The following ANO8 variants were observed in gnomAD, a reference collection of about 807,000 sequenced individuals.
The protein encoded by ANO8 is anoctamin 8, also known as anoctamin-8.
Under a neutral mutation model 120.4 loss-of-function variants are expected in ANO8, and 67 were observed. That is an observed-to-expected ratio of 0.56 (90% CI 0.46 to 0.68). The LOEUF is 0.68. Among genes scored for constraint, ANO8 ranks in the 30% least tolerant of loss-of-function variants. The pLI is 0.00. For synonymous variants in ANO8, 727 were observed against 759.2 expected (o/e 0.96, Z 0.70); for missense variants, 1,526 against 1,737.6 (o/e 0.88, Z 2.16).
rs1405581608 is a variant in ANO8, at chr19:17,333,302, G to A, written c.351-63C>T. The stretch of plus-strand genomic sequence containing the variant: ...CCCCGGCCCACCATCCTGGAGCTGA[G>A]GATGGTGCACCTGGCAGCCTTTGGG... On this transcript the variant is annotated intron_variant, in intron 3 of 17. Transcript: ENST00000159087. The surrounding 1 kb of genome is among the most constrained non-coding windows in gnomAD (Gnocchi z 7.2). 152 of 1,601,768 alleles carry A rather than the reference G, an allele frequency of 9.5e-5. No homozygotes were observed. The highest frequency in any genetic ancestry group is 1.3e-4 in the Non-Finnish European group (151 of 1,172,204).
chr19:17,327,178 A>C, intron 16 of ANO8, 57 bp downstream of exon 16: 1 of 1,404,694 alleles, frequency 7.1e-7, no homozygotes, highest in Non-Finnish European at 9.7e-7. Flanking sequence ...CACCAAGATC[A>C]GAGATCCACC....
Position 17,327,722 on chromosome 19 carries a change from G to A in ANO8, c.2385C>T (p.Phe795=), listed in dbSNP as rs1371327972. 1.9e-6 allele frequency: 3 copies of A among 1,613,804 alleles called. No homozygotes were observed. The highest frequency in any genetic ancestry group is 2.5e-6 in the Non-Finnish European group (3 of 1,179,882). The change falls in exon 14 of 18, where the codon TTC becomes TTT. Residue 795 remains phenylalanine, a synonymous_variant. Coordinates refer to ENST00000159087, the MANE Select transcript of ANO8 (RefSeq NM_020959.3). ...GGCCGATGCTTTCCACGCGCTGGCCGAAGGGCCGCTGCAGCCCGGTGCACA... is the reference window on the plus strand; with the variant it reads ...GGCCGATGCTTTCCACGCGCTGGCCAAAGGGCCGCTGCAGCCCGGTGCACA... ...FKLCTGLQRP[F]GQRVESIGQW...
rs2074341291 is a variant in ANO8, at chr19:17,333,996, C to T, written c.107-196G>A. Among the ~76,000 whole-genome samples the T allele has an allele frequency of 6.6e-6, 1 of 152,256 alleles. No individual in the cohort carries two copies. The highest frequency in any genetic ancestry group is 3.4e-3 in the Middle Eastern group (1 of 294). On this transcript the variant is annotated intron_variant, in intron 1 of 17. Coordinates refer to ENST00000159087, the MANE Select transcript of ANO8 (RefSeq NM_020959.3). The surrounding 1 kb of genome is among the most constrained non-coding windows in gnomAD (Gnocchi z 7.2). Reference sequence around the variant, plus strand: ...CAGGCCTTCCTCCAGAAATGCCCTTCCCCCCAGATCCTCCCTTACAAATCT... The same window carrying T: ...CAGGCCTTCCTCCAGAAATGCCCTTTCCCCCAGATCCTCCCTTACAAATCT...
chr19:17,328,224 C>G lies in ANO8; in HGVS notation c.2164G>C (p.Glu722Gln), dbSNP rs139815862. The change falls in exon 13 of 18, where the codon GAG (glutamate) becomes CAG (glutamine). Residue 722 changes from glutamate to glutamine, a missense_variant. Around this residue, in one of 8 missense-constraint regions of ANO8, gnomAD observed 467 missense variants for 425.8 expected, o/e 1.10. Transcript: ENST00000159087. ...QNRSSWIDPP[E>Q]EEHSPQLTQA... ...GTGAGCTGGGGCGAGTGTTCCTCCT[C>G]CGGCGGGTCAATCCAAGACGACCGG... 8.1e-6 allele frequency: 13 copies of G among 1,598,740 alleles called. No homozygotes were observed. The South Asian group carries it at 1.4e-4, about 18-fold the overall frequency.
At position 17,327,327 on chromosome 19, in the gene ANO8, T is replaced by C. The variant is rs995988694; in HGVS notation, c.2569A>G (p.Lys857Glu). Residue 857 changes from lysine to glutamate, a missense_variant, in exon 16 of 18, where the codon AAG becomes GAG. Around this residue, in one of 8 missense-constraint regions of ANO8, gnomAD observed 489 missense variants for 548.6 expected, o/e 0.89. Transcript: ENST00000159087. ...GGGATGGCCACGTGGATGAGGTACTTGAGGAGCAGAGCGAAGTGCTGCAGG... is the reference window on the plus strand; with the variant it reads ...GGGATGGCCACGTGGATGAGGTACTCGAGGAGCAGAGCGAAGTGCTGCAGG... Reference protein sequence around the residue: ...VVLEHFALLLKYLIHVAIPDI... With the variant: ...VVLEHFALLLEYLIHVAIPDI... 6.5e-7 allele frequency: 1 copy of C among 1,550,276 alleles called. No individual in the cohort carries two copies. The highest frequency in any genetic ancestry group is 1.4e-5 in the African/African-American group (1 of 72,976).
At chr19:17,323,915 GA>G in intron 17 of ANO8, 31 bp from the exon 18 acceptor site, 1 of 1,112,084 alleles carries the variant, frequency 9.0e-7, no homozygotes, top group Non-Finnish European at 1.1e-6. Context: ...GTTCCGGGGG[GA>G]TGCCGCCCCC....
rs2145692314 is a variant in ANO8, at chr19:17,333,314, T to C, written c.351-75A>G. 2.5e-6 allele frequency: 4 copies of C among 1,601,696 alleles called. No homozygotes were observed. The South Asian group carries it at 3.3e-5, about 13-fold the overall frequency. On this transcript the variant is annotated intron_variant, in intron 3 of 17. Coordinates refer to ENST00000159087, the MANE Select transcript of ANO8 (RefSeq NM_020959.3). This position sits in a 1 kb window ranked among gnomAD's most constrained non-coding sequence, Gnocchi z 7.2. ...ATCCTGGAGCTGAGGATGGTGCACC[T>C]GGCAGCCTTTGGGACAAACGCAGGG...
In ANO8 at chr19:17,333,825, G is replaced by A. The variant is rs375450234; in HGVS notation, c.107-25C>T. ...TCTAGGGGGCGGCGTAGCAGGCCCG[G>A]GTCAGGCCACTCTGGGATCCGGACC... On this transcript the variant is annotated intron_variant, in intron 1 of 17. Coordinates refer to ENST00000159087, the MANE Select transcript of ANO8 (RefSeq NM_020959.3). The surrounding 1 kb of genome is among the most constrained non-coding windows in gnomAD (Gnocchi z 7.2). 2.7e-4 allele frequency: 415 copies of A among 1,550,432 alleles called. No homozygotes were observed. Among genetic ancestry groups the A allele is most frequent in the Non-Finnish European group, 3.5e-4 (397 of 1,144,704 alleles).
intron 12 of ANO8, chr19:17,329,300 C>G (rs1380627351): frequency 2.7e-6 from 1 of 374,386 alleles, no homozygotes; most frequent in Non-Finnish European, 4.8e-6. Context: ...TGGCCGCCCC[C>G]GACCCCAGAT....
rs1811698389 is a variant in ANO8, at chr19:17,333,053, G to T, written c.490-27C>A. 6.2e-7 allele frequency: 1 copy of T among 1,613,938 alleles called. No individual in the cohort carries two copies. Among genetic ancestry groups the T allele is most frequent in the African/African-American group, 1.3e-5 (1 of 74,952 alleles). ...TGCGAGGAAGAGGGCGTGAGCTCAG[G>T]GAACTCATAGGCACAGGATGCATGC... On this transcript the variant is annotated intron_variant, in intron 4 of 17. Coordinates refer to ENST00000159087, the MANE Select transcript of ANO8 (RefSeq NM_020959.3). This position sits in a 1 kb window ranked among gnomAD's most constrained non-coding sequence, Gnocchi z 7.2.
Position 17,328,361 on chromosome 19 carries a change from G to T in ANO8, c.2027C>A (p.Ala676Asp). 1 of 1,575,740 alleles carries T rather than the reference G, an allele frequency of 6.3e-7. No homozygotes were observed. ...GCCCCCGGCCCGGCGGAACAAGATG[G>T]CCGGGGGCTCCCGTTCAGGGCTGCC... ...APGSPEREPP[A>D]ILFRRAGGEG... is the part of the protein sequence containing the mutation. Residue 676 changes from alanine to aspartate, a missense_variant, in exon 13 of 18, where the codon GCC becomes GAC. Physicochemically the swap from Ala to Asp is moderately radical, Grantham distance 126 (BLOSUM62 -2). Coordinates refer to ENST00000159087, the MANE Select transcript of ANO8 (RefSeq NM_020959.3).
At position 17,334,552 on chromosome 19, in the gene ANO8, G is replaced by T; in HGVS notation, c.106+13C>A. On this transcript the variant is annotated intron_variant, in intron 1 of 17. Coordinates refer to ENST00000159087, the MANE Select transcript of ANO8 (RefSeq NM_020959.3). ...ACCTGCAACCCTGTCTGGTCCAGCC[G>T]CCGCACACATACCCAGAACTCCGGA... is the stretch of plus-strand genomic sequence containing the variant. The T allele has an allele frequency of 1.3e-6, 2 of 1,543,762 alleles. No homozygotes were observed. The highest frequency in any genetic ancestry group is 5.1e-5 in the East Asian group (2 of 39,590).
At chr19:17,331,553 G>T (rs1018735618) in intron 5 of ANO8, 142 bp from the exon 6 acceptor site, 1 of 694,162 alleles carries the variant, frequency 1.4e-6, no homozygotes, top group Non-Finnish European at 2.5e-6. Flanking sequence ...AGTTCTAGAC[G>T]GATAGAAGAT....
In ANO8 at chr19:17,331,361, C is replaced by A; in HGVS notation, c.637G>T (p.Glu213Ter). Residue 213 changes from glutamate (E) to a stop codon, truncating the protein, a stop_gained, in exon 6 of 18, where the codon GAG (glutamate) becomes TAG (stop). Transcript: ENST00000159087. LOFTEE classifies it high-confidence loss of function. ...GIIQQVFPVH[E>*]QRILNRLMKS... Reference sequence around the variant, plus strand: ...ATGAGGCGGTTCAGAATACGCTGCTCGTGGACAGGGAACACCTGCTGGATG... The same window carrying A: ...ATGAGGCGGTTCAGAATACGCTGCTAGTGGACAGGGAACACCTGCTGGATG... 1 of 1,614,028 alleles carries A rather than the reference C, an allele frequency of 6.2e-7. No homozygotes were observed. The highest frequency in any genetic ancestry group is 8.5e-7 in the Non-Finnish European group (1 of 1,180,012).
chr19:17,334,700 G>A lies in ANO8; in HGVS notation c.-30C>T. The A allele has an allele frequency of 7.4e-7, 1 of 1,354,562 alleles. No individual in the cohort carries two copies. The highest frequency in any genetic ancestry group is 9.5e-7 in the Non-Finnish European group (1 of 1,058,170). 83.9% of individuals were successfully genotyped at this position (1,354,562 alleles called of 1,614,324 possible). A position where few individuals can be genotyped will look rare whatever the true frequency, so the allele number is the denominator to read the frequency against. On this transcript the variant is annotated 5_prime_UTR_variant, in exon 1 of 18. Coordinates refer to ENST00000159087, the MANE Select transcript of ANO8 (RefSeq NM_020959.3). ...AGGACAGGTCAGGTCAGGGGCTACGGACGGCCCGGGCGACGGGGAGCCGCG... is the reference window on the plus strand; with the variant it reads ...AGGACAGGTCAGGTCAGGGGCTACGAACGGCCCGGGCGACGGGGAGCCGCG...
In ANO8 at chr19:17,328,164, C is replaced by T; in HGVS notation, c.2224G>A (p.Glu742Lys). The T allele has an allele frequency of 2.5e-6, 4 of 1,570,492 alleles. No individual in the cohort carries two copies. The highest frequency in any genetic ancestry group is 2.3e-5 in the South Asian group (2 of 88,146). The change falls in exon 13 of 18, where the codon GAG becomes AAG. Residue 742 changes from glutamate (E) to lysine (K), a missense_variant and splice_region_variant. By Grantham distance (56) the Glu-to-Lys change is moderately conservative. Transcript: ENST00000159087. ...AELESCMKKYEDTFQDYQEMF... is the reference protein window; with the variant it reads ...AELESCMKKYKDTFQDYQEMF... ...GCGAGGCCCCGCCCCCTCCTCACCT[C>T]GTACTTCTTCATACAGCTCTCCAGC...
rs1053832711 is a variant in ANO8, at chr19:17,324,797, C to T, written c.3251G>A (p.Ser1084Asn). Residue 1084 changes from serine (S) to asparagine (N), a missense_variant, in exon 17 of 18, where the codon AGC becomes AAC. By Grantham distance (46) the Ser-to-Asn change is conservative (BLOSUM62 1). Transcript: ENST00000159087. ...RPDGTPSSGS[S>N]RVQRSGPVDE... ...CACCGGCCCACTCCTCTGAACCCGG[C>T]TGCTGCCACTGCTGGGGGTCCCATC... 1.3e-6 allele frequency: 2 copies of T among 1,594,618 alleles called. No homozygotes were observed. The highest frequency in any genetic ancestry group is 1.7e-6 in the Non-Finnish European group (2 of 1,170,736).
chr19:17,328,313 T>C lies in ANO8; in HGVS notation c.2075A>G (p.Asp692Gly). 6.3e-7 allele frequency: 1 copy of C among 1,598,566 alleles called. No individual in the cohort carries two copies. Among genetic ancestry groups the C allele is most frequent in the Admixed American group, 1.7e-5 (1 of 58,366 alleles). Residue 692 changes from aspartate (D) to glycine (G), a missense_variant, in exon 13 of 18, where the codon GAC becomes GGC. This residue lies in a region of ANO8 where 467 missense variants were observed against 425.8 expected (regional missense o/e 1.10). Coordinates refer to ENST00000159087, the MANE Select transcript of ANO8 (RefSeq NM_020959.3). The stretch of plus-strand genomic sequence containing the variant: ...GCCGGGTTCCGGGTCCGGGCCCCCG[T>C]CGGGCCCCTGGTCTCGGCCCTCGCC... ...AGGEGRDQGP[D>G]GGPDPEPGSN...
intron 5 of ANO8, among the ~76,000 whole-genome samples, chr19:17,331,675 C>T (rs1414424334): frequency 2.7e-5 from 4 of 148,404 alleles, no homozygotes; most frequent in Admixed American, 2.7e-4. Context: ...TTGAGACAGT[C>T]TCACTCTGTC....
Sources: gnomAD v4.1 joint callset for allele counts (sites outside exome capture counted in the v4.1 genomes callset) on GRCh38, gnomAD v4.1.1 for gene constraint, gnomAD v4.1.1 regional missense constraint, Gnocchi (gnomAD v3.1) non-coding constraint, MANE v1.5 for transcripts, NCBI Gene and HGNC (gene_info 2026-07-23, HGNC 2026-07-21) for gene names.